Variants in TENT5C observed in about 807,000 individuals in gnomAD.
TENT5C encodes family with sequence similarity 46 member C.
TENT5C carries 5 observed loss-of-function variants against 22.2 expected under a neutral mutation model. The observed-to-expected ratio is 0.22, with a 90% CI of 0.12 to 0.47. The LOEUF (loss-of-function observed/expected upper bound fraction) is 0.47, where lower values mean the gene tolerates loss of function less well. Ranked by LOEUF, TENT5C falls within the 20% of genes least tolerant of loss-of-function variation. The probability of loss-of-function intolerance (pLI) is 0.99; values close to 1 mark genes in which losing one functional copy is unlikely to be tolerated. For missense variants in TENT5C, 364 were observed against 500.9 expected (o/e 0.73, Z 2.61); for synonymous variants, 199 against 195.4 (o/e 1.02, Z -0.15).
rs1558008004 is a variant in TENT5C, at chr1:117,623,673, T to C, written c.805T>C (p.Tyr269His). ...GGAAGAAATCAAAACTCTAGAGCGC[T>C]ACATGTGCTCCAGGTTCTTCATCGA... The part of the protein sequence containing the change: ...DQEEIKTLER[Y>H]MCSRFFIDFP... Residue 269 changes from tyrosine (Y) to histidine (H), a missense_variant, in exon 2 of 2, where the codon TAC becomes CAC. Coordinates refer to ENST00000369448, the MANE Select transcript of TENT5C (RefSeq NM_017709.4). The C allele has an allele frequency of 1.9e-6, 3 of 1,614,046 alleles. No individual in the cohort carries two copies. The highest frequency in any genetic ancestry group is 2.5e-6 in the Non-Finnish European group (3 of 1,180,008).
chr1:117,609,467 C>CTA (rs1326170283), intron 1 of TENT5C, among the ~76,000 whole-genome samples: 1 of 152,204 alleles, frequency 6.6e-6, no homozygotes, highest in African/African-American at 2.4e-5. Context: ...GAGCTTGAGA[C>CTA]TAAAGTCTTG....
chr1:117,610,603 C>T (rs913604195), intron 1 of TENT5C, among the ~76,000 whole-genome samples: 2 of 152,254 alleles, frequency 1.3e-5, no homozygotes, highest in African/African-American at 4.8e-5. Context: ...TCTCTGCTCA[C>T]TGCAACCTCC....
Position 117,624,020 on chromosome 1 carries a change from C to T in TENT5C, c.1152C>T (p.Tyr384=), listed in dbSNP as rs866322703. The T allele has an allele frequency of 3.1e-6, 5 of 1,613,308 alleles. No individual in the cohort carries two copies. The East Asian group carries it at 1.1e-4, about 36-fold the overall frequency. The part of the protein sequence containing the change: ...AHPPVTYSQP[Y]PTWLPCN The stretch of plus-strand genomic sequence containing the variant: ...CTCCAGTCACCTACAGCCAGCCTTA[C>T]CCTACCTGGCTGCCCTGTAACTAAC... The change falls in exon 2 of 2, where the codon TAC becomes TAT. Residue 384 remains tyrosine (Y), a synonymous_variant. Coordinates refer to ENST00000369448, the MANE Select transcript of TENT5C (RefSeq NM_017709.4).
intron 1 of TENT5C, among the ~76,000 whole-genome samples, chr1:117,622,345 G>C (rs77387811): frequency 1.4e-5 from 2 of 139,662 alleles, no homozygotes; most frequent in African/African-American, 3.1e-5. Flanking sequence ...GTGTGTGTGT[G>C]TGTGTGTCTG....
intron 1 of TENT5C, among the ~76,000 whole-genome samples, chr1:117,620,488 C>T (rs1471183451): frequency 2.0e-5 from 3 of 152,126 alleles, no homozygotes; most frequent in Non-Finnish European, 4.4e-5. Context: ...AAAACCCATG[C>T]CACCAAACCA....
rs368545435 is a variant in TENT5C, at chr1:117,623,078, G to T, written c.210G>T (p.Arg70=). The change falls in exon 2 of 2, where the codon CGG becomes CGT. Residue 70 remains arginine (R), a synonymous_variant. Transcript: ENST00000369448. ...EEAGIKVHDV[R]LNGSAAGHVL... ...CAGGCATCAAAGTGCACGACGTCCG[G>T]CTGAATGGCTCCGCAGCTGGCCACG... The T allele has an allele frequency of 2.2e-5, 36 of 1,614,112 alleles. No individual in the cohort carries two copies. In the African/African-American group the frequency reaches 4.4e-4, roughly 20 times the overall value.
intron 1 of TENT5C, among the ~76,000 whole-genome samples, chr1:117,616,688 C>T (rs915282926): frequency 6.6e-5 from 10 of 152,162 alleles, no homozygotes; most frequent in African/African-American, 2.4e-4. Context: ...GAGGTAACAT[C>T]CAGAAATAGT....
rs759359873 is a variant in TENT5C, at chr1:117,624,062, T to G, written c.*18T>G. On this transcript the variant is annotated 3_prime_UTR_variant, in exon 2 of 2. Coordinates refer to ENST00000369448, the MANE Select transcript of TENT5C (RefSeq NM_017709.4). ...GTAACTAACCTTGAGACCTGAGGGTTTCCACAGTGGGAACCCCAATAGGGC... is the reference window on the plus strand; with the variant it reads ...GTAACTAACCTTGAGACCTGAGGGTGTCCACAGTGGGAACCCCAATAGGGC... The G allele has an allele frequency of 1.9e-6, 3 of 1,595,082 alleles. No individual in the cohort carries two copies. The South Asian group carries it at 3.4e-5, about 18-fold the overall frequency.
chr1:117,613,095 G>C (rs1653702781), intron 1 of TENT5C, among the ~76,000 whole-genome samples: 1 of 152,170 alleles, frequency 6.6e-6, no homozygotes, highest in African/African-American at 2.4e-5. Flanking sequence ...GCTCTCTTTG[G>C]GGAGCTCTTT....
intron 1 of TENT5C, among the ~76,000 whole-genome samples, chr1:117,610,346 T>C (rs1455964697): frequency 1.3e-5 from 2 of 151,382 alleles, no homozygotes; most frequent in African/African-American, 4.8e-5. Flanking sequence ...CCACCCCCCA[T>C]GGCAGAGTCT....
In TENT5C at chr1:117,624,259, G is replaced by A; in HGVS notation, c.*215G>A. On this transcript the variant is annotated 3_prime_UTR_variant, in exon 2 of 2. Transcript: ENST00000369448. Reference sequence around the variant, plus strand: ...AGGACCCGTATTACAGTGCCACGTTGGAAAACGCTACAGGAAGCATGACCT... The same window carrying A: ...AGGACCCGTATTACAGTGCCACGTTAGAAAACGCTACAGGAAGCATGACCT... The A allele has an allele frequency of 1.8e-6, 1 of 547,450 alleles. No homozygotes were observed. Among genetic ancestry groups the A allele is most frequent in the South Asian group, 3.0e-5 (1 of 33,234 alleles). 33.9% of individuals were successfully genotyped at this position (547,450 alleles called of 1,614,324 possible). A position where few individuals can be genotyped will look rare whatever the true frequency, so the allele number is the denominator to read the frequency against.
Position 117,625,928 on chromosome 1 carries a change from G to A in TENT5C, c.*1884G>A, listed in dbSNP as rs1654001236. The A allele has an allele frequency of 4.0e-6, 1 of 247,708 alleles. No individual in the cohort carries two copies. The highest frequency in any genetic ancestry group is 2.2e-5 in the African/African-American group (1 of 45,316). The allele number at this position is 247,708 out of a possible 1,614,324, so 15.3% of individuals were successfully genotyped here. On this transcript the variant is annotated 3_prime_UTR_variant, in exon 2 of 2. Coordinates refer to ENST00000369448, the MANE Select transcript of TENT5C (RefSeq NM_017709.4). ...GCCTTAGTTATATTTTAATTCAGTG[G>A]CTTTGAGTCAAGGCCGGTTCTAATT... is the stretch of plus-strand genomic sequence containing the variant.
At chr1:117,620,059 T>C (rs184131961) in intron 1 of TENT5C, among the ~76,000 whole-genome samples, 6 of 152,266 alleles carry the variant, frequency 3.9e-5, no homozygotes, top group Admixed American at 1.3e-4. Context: ...TCACATACTT[T>C]AAAATATATG....
At chr1:117,617,708 G>A (rs1415773651) in intron 1 of TENT5C, among the ~76,000 whole-genome samples, 1 of 152,084 alleles carries the variant, frequency 6.6e-6, no homozygotes, top group African/African-American at 2.4e-5. Flanking sequence ...TCATGAATTG[G>A]GAATGTGTGT....
At position 117,622,972 on chromosome 1, in the gene TENT5C, T is replaced by C. The variant is rs749814000; in HGVS notation, c.104T>C (p.Ile35Thr). The change falls in exon 2 of 2, where the codon ATC becomes ACC. Residue 35 changes from isoleucine to threonine, a missense_variant. Physicochemically the swap from Ile to Thr is moderately conservative, Grantham distance 89. Around this residue, in one of 3 missense-constraint regions of TENT5C, gnomAD observed 303 missense variants for 394.5 expected, o/e 0.77. Coordinates refer to ENST00000369448, the MANE Select transcript of TENT5C (RefSeq NM_017709.4). ...GAGGTCCTCACTGAAGTTGTACCTATCCACGGACGAGGCAACTTTCCAACC... is the reference window on the plus strand; with the variant it reads ...GAGGTCCTCACTGAAGTTGTACCTACCCACGGACGAGGCAACTTTCCAACC... ...LHEVLTEVVPIHGRGNFPTLE... is the reference protein window; with the variant it reads ...LHEVLTEVVPTHGRGNFPTLE... 1 of 1,614,210 alleles carries C rather than the reference T, an allele frequency of 6.2e-7. No individual in the cohort carries two copies. The highest frequency in any genetic ancestry group is 8.5e-7 in the Non-Finnish European group (1 of 1,180,034).
chr1:117,623,016 G>A lies in TENT5C; in HGVS notation c.148G>A (p.Asp50Asn), dbSNP rs1186011113. The A allele has an allele frequency of 1.9e-6, 3 of 1,614,074 alleles. No homozygotes were observed. The highest frequency in any genetic ancestry group is 2.7e-5 in the African/African-American group (2 of 74,928). Residue 50 changes from aspartate to asparagine, a missense_variant, in exon 2 of 2, where the codon GAC becomes AAC. This residue lies in a region of TENT5C where 303 missense variants were observed against 394.5 expected (regional missense o/e 0.77). Transcript: ENST00000369448. ...TCCAACCTTGGAGATAACTCTGAAG[G>A]ACATCGTCCAGACCGTCCGCAGTCG... Reference protein sequence around the residue: ...NFPTLEITLKDIVQTVRSRLE... With the variant: ...NFPTLEITLKNIVQTVRSRLE...
At chr1:117,613,907 G>A (rs367595463) in intron 1 of TENT5C, among the ~76,000 whole-genome samples, 1 of 152,142 alleles carries the variant, frequency 6.6e-6, no homozygotes, top group Non-Finnish European at 1.5e-5. Flanking sequence ...AATGTGTTGC[G>A]GGCATTTAAG....
At position 117,622,987 on chromosome 1, in the gene TENT5C, A is replaced by G; in HGVS notation, c.119A>G (p.Asn40Ser). The change falls in exon 2 of 2, where the codon AAC becomes AGC. Residue 40 changes from asparagine (N) to serine (S), a missense_variant. Asn to Ser is a conservative substitution (Grantham distance 46, BLOSUM62 1). Transcript: ENST00000369448. ...TEVVPIHGRGNFPTLEITLKD... is the reference protein window; with the variant it reads ...TEVVPIHGRGSFPTLEITLKD... ...GTTGTACCTATCCACGGACGAGGCA[A>G]CTTTCCAACCTTGGAGATAACTCTG... 1.2e-6 allele frequency: 2 copies of G among 1,614,198 alleles called. No individual in the cohort carries two copies. Among genetic ancestry groups the G allele is most frequent in the Middle Eastern group, 1.6e-4 (1 of 6,062 alleles).
intron 1 of TENT5C, among the ~76,000 whole-genome samples, chr1:117,619,760 C>A (rs1653856210): frequency 1.3e-5 from 2 of 152,044 alleles, no homozygotes; most frequent in African/African-American, 2.4e-5. Flanking sequence ...GATAACCATC[C>A]AGATGTTTTT....
Sources: allele counts gnomAD v4.1 joint callset (sites outside exome capture counted in the v4.1 genomes callset), GRCh38; gene constraint gnomAD v4.1.1; regional missense constraint gnomAD v4.1.1; transcripts MANE v1.5; gene names NCBI Gene and HGNC (gene_info 2026-07-23, HGNC 2026-07-21).